Variants in CD2AP observed in about 807,000 individuals in gnomAD.
CD2AP encodes CD2-associated protein.
CD2AP carries 46 observed loss-of-function variants against 85.1 expected under a neutral mutation model. The observed-to-expected ratio is 0.54, with a 90% CI of 0.43 to 0.69. The LOEUF (loss-of-function observed/expected upper bound fraction) is 0.69, where lower values mean the gene tolerates loss of function less well. CD2AP is among the 30% of genes least tolerant of loss of function. The pLI is 0.00. For missense variants in CD2AP, 769 were observed against 729.5 expected (o/e 1.05, Z -0.62); for synonymous variants, 255 against 252.9 (o/e 1.01, Z -0.08).
At chr6:47,552,653 C>T (rs1767559187) in intron 4 of CD2AP, among the ~76,000 whole-genome samples, 1 of 152,258 alleles carries the variant, frequency 6.6e-6, no homozygotes, top group African/African-American at 2.4e-5. Flanking sequence ...ACTCTGCCTC[C>T]TAAACCTAAC....
At position 47,606,161 on chromosome 6, in the gene CD2AP, C is replaced by A; in HGVS notation, c.1418-4C>A. On this transcript the variant is annotated splice_polypyrimidine_tract_variant and splice_region_variant and intron_variant, in intron 13 of 17. Coordinates refer to ENST00000359314, the MANE Select transcript of CD2AP (RefSeq NM_012120.3). ...AGTAAATAATGTTTATTTTTATTTTCTAGATGTTGTAAATTTTGATGACAT... is the reference window on the plus strand; with the variant it reads ...AGTAAATAATGTTTATTTTTATTTTATAGATGTTGTAAATTTTGATGACAT... The A allele has an allele frequency of 3.5e-6, 5 of 1,430,932 alleles. No individual in the cohort carries two copies. Among genetic ancestry groups the A allele is most frequent in the Non-Finnish European group, 4.9e-6 (5 of 1,013,652 alleles). 88.6% of individuals were successfully genotyped at this position (1,430,932 alleles called of 1,614,324 possible).
At chr6:47,499,010 G>T (rs180960244) in intron 1 of CD2AP, among the ~76,000 whole-genome samples, 3 of 152,118 alleles carry the variant, frequency 2.0e-5, no homozygotes, top group African/African-American at 4.8e-5. Flanking sequence ...TCATTATTTT[G>T]ATGCTCAAAA....
At chr6:47,555,723 G>A (rs2114064292) in intron 5 of CD2AP, among the ~76,000 whole-genome samples, 1 of 152,204 alleles carries the variant, frequency 6.6e-6, no homozygotes, top group Non-Finnish European at 1.5e-5. Context: ...ATACTAAGGT[G>A]TTAGTCTTCC....
intron 5 of CD2AP, among the ~76,000 whole-genome samples, chr6:47,573,108 C>T (rs946325220): frequency 6.6e-6 from 1 of 152,160 alleles, no homozygotes; most frequent in Non-Finnish European, 1.5e-5. Context: ...AAAATAACCA[C>T]ACAGTTTTCC....
intron 12 of CD2AP, among the ~76,000 whole-genome samples, chr6:47,596,846 A>G (rs2114132541): frequency 6.6e-6 from 1 of 152,220 alleles, no homozygotes; most frequent in Admixed American, 6.6e-5. Context: ...ACTGTTTTCC[A>G]TAATGGCTGT....
At chr6:47,613,962 G>T (rs529057385) in intron 17 of CD2AP, among the ~76,000 whole-genome samples, 3 of 152,248 alleles carry the variant, frequency 2.0e-5, no homozygotes, top group Non-Finnish European at 2.9e-5. Flanking sequence ...ACATGAACCA[G>T]CCTCTGCTAC....
chr6:47,490,451 G>A (rs990910374), intron 1 of CD2AP, among the ~76,000 whole-genome samples: 2 of 151,952 alleles, frequency 1.3e-5, no homozygotes, highest in Non-Finnish European at 2.9e-5. Flanking sequence ...ATAATTTCTA[G>A]TGTTTTCTTG....
intron 17 of CD2AP, among the ~76,000 whole-genome samples, chr6:47,614,046 T>C (rs1769517177): frequency 6.6e-6 from 1 of 152,210 alleles, no homozygotes; most frequent in African/African-American, 2.4e-5. Context: ...AGGGCCTCAC[T>C]CTGGATTAGG....
chr6:47,583,698 T>G (rs1202398418), intron 11 of CD2AP, among the ~76,000 whole-genome samples: 1 of 152,228 alleles, frequency 6.6e-6, no homozygotes, highest in Non-Finnish European at 1.5e-5. Flanking sequence ...CTTCTAAGTT[T>G]TGGCACTTAT....
intron 3 of CD2AP, among the ~76,000 whole-genome samples, chr6:47,541,044 TGGTGAAA>T (rs764380174): frequency 2.0e-4 from 31 of 152,258 alleles, no homozygotes; most frequent in Non-Finnish European, 3.4e-4. Context: ...CCGTGAGGTC[TGGTGAAA>T]GGTGAAATGT....
chr6:47,616,018 T>C (rs9473141), intron 17 of CD2AP, among the ~76,000 whole-genome samples: 88,425 of 146,608 alleles, frequency 0.6, 27,586 homozygotes, highest in Middle Eastern at 0.74. Context: ...CTCCTGACCT[T>C]GTGATTCGCC....
chr6:47,511,018 A>G (rs1766298330), intron 2 of CD2AP, among the ~76,000 whole-genome samples: 1 of 133,786 alleles, frequency 7.5e-6, no homozygotes, highest in Non-Finnish European at 1.6e-5. Context: ...GGTTGCAATG[A>G]GCTGAGATCG....
At chr6:47,549,287 C>T (rs1767449548) in intron 4 of CD2AP, among the ~76,000 whole-genome samples, 3 of 151,878 alleles carry the variant, frequency 2.0e-5, no homozygotes, top group Admixed American at 1.3e-4. Flanking sequence ...ATGATATGAT[C>T]GTTTACCTTG....
intron 5 of CD2AP, among the ~76,000 whole-genome samples, chr6:47,565,410 A>G (rs1453543377): frequency 6.6e-6 from 1 of 152,170 alleles, no homozygotes; most frequent in Non-Finnish European, 1.5e-5. Flanking sequence ...TTTGCTAAAT[A>G]GGAATGTGTT....
intron 5 of CD2AP, chr6:47,562,755 G>A: frequency 7.9e-6 from 7 of 887,134 alleles, no homozygotes; most frequent in Non-Finnish European, 1.3e-5. Context: ...TAGACAAGTG[G>A]CAAGCTCATG....
chr6:47,539,111 C>T (rs752562385), intron 3 of CD2AP, among the ~76,000 whole-genome samples: 1 of 152,150 alleles, frequency 6.6e-6, no homozygotes, highest in Non-Finnish European at 1.5e-5. Context: ...AATTCACAGT[C>T]TAGCAGGGGC....
intron 3 of CD2AP, among the ~76,000 whole-genome samples, chr6:47,542,324 T>C (rs1767236446): frequency 6.6e-6 from 1 of 152,316 alleles, no homozygotes; most frequent in South Asian, 2.1e-4. Context: ...TGTGATAATA[T>C]TGGTTGACAA....
intron 2 of CD2AP, among the ~76,000 whole-genome samples, chr6:47,520,337 A>G (rs985402556): frequency 5.3e-5 from 8 of 152,314 alleles, no homozygotes; most frequent in Non-Finnish European, 8.8e-5. Flanking sequence ...TTATTTTCCT[A>G]AAGAGGAAAT....
intron 4 of CD2AP, among the ~76,000 whole-genome samples, chr6:47,547,504 C>T (rs1251097279): frequency 6.6e-6 from 1 of 151,348 alleles, no homozygotes; most frequent in Non-Finnish European, 1.5e-5. Context: ...ATATATGCAC[C>T]TAACACTGGA....
Sources: gnomAD v4.1 joint callset for allele counts (sites outside exome capture counted in the v4.1 genomes callset) on GRCh38, gnomAD v4.1.1 for gene constraint, MANE v1.5 for transcripts, NCBI Gene and HGNC (gene_info 2026-07-23, HGNC 2026-07-21) for gene names.